HK3: variants seen among roughly 807,000 people sequenced by gnomAD.
HK3 encodes hexokinase 3.
A neutral mutation model predicts 91.0 loss-of-function variants in HK3; 93 were observed. The ratio of observed to expected loss-of-function variants is 1.02; its 90% CI spans 0.86 to 1.21. HK3 has a LOEUF of 1.21. Among genes scored for constraint, HK3 ranks in the 50% most tolerant of loss-of-function variants. HK3 has a pLI of 0.00. For synonymous variants in HK3, 519 were observed against 516.9 expected (o/e 1.00, Z -0.06); for missense variants, 1,235 against 1,247.4 (o/e 0.99, Z 0.15).
At chr5:176,899,004 G>A (rs139529077) in intron 1 of HK3, among the ~76,000 whole-genome samples, 316 of 152,282 alleles carry the variant, frequency 2.1e-3, no homozygotes, top group African/African-American at 6.9e-3. Flanking sequence ...GTGTGGTGGT[G>A]TGCGCCTGTA....
At chr5:176,898,688 CAT>C (rs1758966101) in intron 1 of HK3, among the ~76,000 whole-genome samples, 1 of 152,206 alleles carries the variant, frequency 6.6e-6, no homozygotes, top group Non-Finnish European at 1.5e-5. Context: ...TGGGGAGGGA[CAT>C]GTCTCCTTCA....
chr5:176,883,597 A>T (rs920918489), intron 15 of HK3, among the ~76,000 whole-genome samples, 173 bp downstream of exon 15: 5 of 152,142 alleles, frequency 3.3e-5, no homozygotes, highest in African/African-American at 1.2e-4. Flanking sequence ...ACTGAGCTGG[A>T]CTATACACCC....
Position 176,889,656 on chromosome 5 carries a change from C to T in HK3, c.719G>A (p.Gly240Glu). ...GGTCCATGGCTCACCTACAACTAGC[C>T]CAACCTCACACGGCCTGACCCCCGG... is the stretch of plus-strand genomic sequence containing the variant. Reference protein sequence around the residue: ...CEPGVRPCEVGLVVDTGTNAC... With the variant: ...CEPGVRPCEVELVVDTGTNAC... Residue 240 changes from glycine (G) to glutamate (E), a missense_variant, in exon 7 of 19, where the codon GGG (glycine) becomes GAG (glutamate). Gly to Glu is a moderately conservative substitution (Grantham distance 98). Coordinates refer to ENST00000292432, the MANE Select transcript of HK3 (RefSeq NM_002115.3). The T allele has an allele frequency of 1.2e-6, 2 of 1,614,152 alleles. No individual in the cohort carries two copies. Among genetic ancestry groups the T allele is most frequent in the Non-Finnish European group, 1.7e-6 (2 of 1,180,020 alleles).
Position 176,889,364 on chromosome 5 carries a change from G to A in HK3, c.914+17C>T. On this transcript the variant is annotated intron_variant, in intron 8 of 18. Coordinates refer to ENST00000292432, the MANE Select transcript of HK3 (RefSeq NM_002115.3). ...ACAGGGCCTGGAACCAAAGGTCAGG[G>A]CCCCCTGCCAGGTCACCTCTGAGCA... 5.0e-6 allele frequency: 8 copies of A among 1,610,292 alleles called. No individual in the cohort carries two copies. The highest frequency in any genetic ancestry group is 5.9e-6 in the Non-Finnish European group (7 of 1,177,538).
chr5:176,899,242 G>A (rs1279012112), intron 1 of HK3, 25 bp downstream of exon 1: 1 of 152,258 alleles, frequency 6.6e-6, no homozygotes, highest in Non-Finnish European at 1.5e-5. Context: ...GAAGGAGCAG[G>A]CAGTAATTAG....
At position 176,887,195 on chromosome 5, in the gene HK3, G is replaced by A; in HGVS notation, c.1737+6C>T. ...CCTCTGACATCAAGGTTCAGGCTGT[G>A]GGTACCTGCTGCCCAGAACCCTGGG... On this transcript the variant is annotated splice_donor_region_variant and intron_variant, in intron 12 of 18. Transcript: ENST00000292432. This position sits in a 1 kb window ranked among gnomAD's most constrained non-coding sequence, Gnocchi z 4.9. 6.2e-7 allele frequency: 1 copy of A among 1,614,146 alleles called. No individual in the cohort carries two copies. Among genetic ancestry groups the A allele is most frequent in the Non-Finnish European group, 8.5e-7 (1 of 1,180,026 alleles).
intron 13 of HK3, among the ~76,000 whole-genome samples, chr5:176,885,424 CCAA>C (rs1758557770): frequency 6.6e-6 from 1 of 152,062 alleles, no homozygotes; most frequent in Non-Finnish European, 1.5e-5. Context: ...TAATGTGGGC[CCAA>C]CATTTTTTTT....
chr5:176,899,316 G>A lies in HK3; in HGVS notation c.-76C>T, dbSNP rs1408776312. ...TCTCCTCAGGTCTGAGCTCTTGTCT[G>A]GCAATATGAGGCACCCCAATGACCA... On this transcript the variant is annotated 5_prime_UTR_variant, in exon 1 of 19. Transcript: ENST00000292432. 6.6e-6 allele frequency: 1 copy of A among 152,216 alleles called. No homozygotes were observed. Among genetic ancestry groups the A allele is most frequent in the African/African-American group, 2.4e-5 (1 of 41,428 alleles). 9.4% of individuals were successfully genotyped at this position (152,216 alleles called of 1,614,324 possible).
Position 176,889,669 on chromosome 5 carries a change from G to T in HK3, c.706C>A (p.Pro236Thr), listed in dbSNP as rs768817407. 5.6e-6 allele frequency: 9 copies of T among 1,614,058 alleles called. No individual in the cohort carries two copies. In the South Asian group the frequency reaches 9.9e-5, roughly 18 times the overall value. Residue 236 changes from proline (P) to threonine (T), a missense_variant, in exon 7 of 19, where the codon CCG (proline) becomes ACG (threonine). Pro to Thr is a conservative substitution (Grantham distance 38). Around this residue, in one of 3 missense-constraint regions of HK3, gnomAD observed 717 missense variants for 751.6 expected, o/e 0.95. Coordinates refer to ENST00000292432, the MANE Select transcript of HK3 (RefSeq NM_002115.3). ...CCTACAACTAGCCCAACCTCACACG[G>T]CCTGACCCCCGGCTCACAGCCCATC... ...TMMGCEPGVR[P>T]CEVGLVVDTG...
chr5:176,882,060 G>T lies in HK3; in HGVS notation c.2121C>A (p.Gly707=), dbSNP rs1029171095. The T allele has an allele frequency of 1.2e-6, 2 of 1,612,896 alleles. No individual in the cohort carries two copies. Among genetic ancestry groups the T allele is most frequent in the African/African-American group, 2.7e-5 (2 of 74,922 alleles). The change falls in exon 16 of 19, where the codon GGC becomes GGA. Residue 707 remains glycine, a synonymous_variant. Transcript: ENST00000292432. ...RNVAGVPGDS[G]RMCINMEWGA... is the part of the protein sequence containing the mutation. ...CCCACTCCATGTTGATGCACATGCG[G>T]CCTGAGTCCCCAGGCACGCCCGCCA...
At position 176,882,091 on chromosome 5, in the gene HK3, C is replaced by T. The variant is rs145014783; in HGVS notation, c.2090G>A (p.Arg697Gln). 1.9e-4 allele frequency: 301 copies of T among 1,613,020 alleles called. No individual in the cohort carries two copies. The highest frequency in any genetic ancestry group is 3.3e-4 in the Middle Eastern group (2 of 6,084). Residue 697 changes from arginine (R) to glutamine (Q), a missense_variant, in exon 16 of 19, where the codon CGG (arginine) becomes CAG (glutamine). By Grantham distance (43) the Arg-to-Gln change is conservative. Coordinates refer to ENST00000292432, the MANE Select transcript of HK3 (RefSeq NM_002115.3). Reference sequence around the variant, plus strand: ...GTCCCCAGGCACGCCCGCCACATTCCGGAGCTCCTCCATGTAGCAGGCATT... The same window carrying T: ...GTCCCCAGGCACGCCCGCCACATTCTGGAGCTCCTCCATGTAGCAGGCATT... Reference protein sequence around the residue: ...GTNACYMEELRNVAGVPGDSG... With the variant: ...GTNACYMEELQNVAGVPGDSG...
At chr5:176,895,462 G>A (rs1758887707) in intron 2 of HK3, among the ~76,000 whole-genome samples, 1 of 152,260 alleles carries the variant, frequency 6.6e-6, no homozygotes, top group Non-Finnish European at 1.5e-5. Flanking sequence ...TGAGGAAACA[G>A]AGACTAAGAG....
chr5:176,888,784 A>AGT lies in HK3; in HGVS notation c.994_995insAC (p.Leu332HisfsTer12). The stretch of plus-strand genomic sequence containing the variant: ...GGCAGGGGAGGTGCAGCCACCAAAG[A>AGT]GGACCCCACACCGGGCCAAGTGAGC... On this transcript the variant is annotated frameshift_variant, in exon 9 of 19. Transcript: ENST00000292432. LOFTEE classifies it high-confidence loss of function. 6.2e-7 allele frequency: 1 copy of AGT among 1,614,164 alleles called. No individual in the cohort carries two copies. The highest frequency in any genetic ancestry group is 8.5e-7 in the Non-Finnish European group (1 of 1,180,018).
Position 176,884,021 on chromosome 5 carries a change from C to T in HK3, c.1953+18G>A, listed in dbSNP as rs199836597. 4.3e-4 allele frequency: 686 copies of T among 1,612,372 alleles called. No individual in the cohort carries two copies. Among genetic ancestry groups the T allele is most frequent in the Non-Finnish European group, 5.5e-4 (647 of 1,178,424 alleles). On this transcript the variant is annotated intron_variant, in intron 14 of 18. Transcript: ENST00000292432. This position sits in a 1 kb window ranked among gnomAD's most constrained non-coding sequence, Gnocchi z 4.1. The stretch of plus-strand genomic sequence containing the variant: ...AGGCCTGCCACAGCCCCAAAGCACC[C>T]CTAGAACAGGCTCCTACCTGTCTGC...
Position 176,888,552 on chromosome 5 carries a change from C to T in HK3, c.1084G>A (p.Ala362Thr). The change falls in exon 10 of 19, where the codon GCA (alanine) becomes ACA (threonine). Residue 362 changes from alanine (A) to threonine (T), a missense_variant. This residue lies in a region of HK3 where 717 missense variants were observed against 751.6 expected (regional missense o/e 0.95). Transcript: ENST00000292432. The part of the protein sequence containing the change: ...VAEMEDPSTG[A>T]ARVHAILQDL... ...TGCAGGATAGCATGGACACGGGCTG[C>T]CCCAGTAGAGGGGCTGGAGGGGAAA... 1.3e-6 allele frequency: 2 copies of T among 1,563,274 alleles called. No individual in the cohort carries two copies. Among genetic ancestry groups the T allele is most frequent in the South Asian group, 1.2e-5 (1 of 86,014 alleles).
rs770813680 is a variant in HK3 at position 176,882,075 on chromosome 5, C to T, written c.2106G>A (p.Val702=). ...TGCACATGCGGCCTGAGTCCCCAGG[C>T]ACGCCCGCCACATTCCGGAGCTCCT... ...YMEELRNVAG[V]PGDSGRMCIN... is the part of the protein sequence containing the mutation. Residue 702 remains valine, a synonymous_variant, in exon 16 of 19, where the codon GTG becomes GTA. Transcript: ENST00000292432. The T allele has an allele frequency of 1.9e-6, 3 of 1,612,844 alleles. No individual in the cohort carries two copies. In the Admixed American group the frequency reaches 5.0e-5, roughly 27 times the overall value.
chr5:176,887,348 A>G lies in HK3; in HGVS notation c.1601-11T>C, dbSNP rs1758621950. 6.2e-7 allele frequency: 1 copy of G among 1,613,786 alleles called. No individual in the cohort carries two copies. Among genetic ancestry groups the G allele is most frequent in the African/African-American group, 1.3e-5 (1 of 74,952 alleles). On this transcript the variant is annotated splice_polypyrimidine_tract_variant and intron_variant, in intron 11 of 18. Transcript: ENST00000292432. This position sits in a 1 kb window ranked among gnomAD's most constrained non-coding sequence, Gnocchi z 4.9. ...GGAAATCCCCTCGCTCTGTGGGGGC[A>G]GAGACCCTCAGTGCCGGGATAGGGC...
Position 176,890,823 on chromosome 5 carries a change from C to G in HK3, c.533G>C (p.Arg178Thr), listed in dbSNP as rs201738990. The part of the protein sequence containing the change: ...SFPCHQTGLD[R>T]STLISWTKGF... The stretch of plus-strand genomic sequence containing the variant: ...CGTCCCATGTCCACTCCACCTCACC[C>G]TGTCCAAGCCCGTCTGGTGACAAGG... The change falls in exon 5 of 19, where the codon AGG becomes ACG. Residue 178 changes from arginine (R) to threonine (T), a missense_variant and splice_region_variant. Coordinates refer to ENST00000292432, the MANE Select transcript of HK3 (RefSeq NM_002115.3). 4.1e-4 allele frequency: 666 copies of G among 1,614,196 alleles called. 5 individuals are homozygous for G. The South Asian group carries it at 5.5e-3, about 13-fold the overall frequency.
At chr5:176,890,092 A>C (rs927154970) in intron 6 of HK3, among the ~76,000 whole-genome samples, 2 of 151,958 alleles carry the variant, frequency 1.3e-5, no homozygotes, top group African/African-American at 4.8e-5. Flanking sequence ...CTGGCTCCCC[A>C]AGCCTGTTCC....
Sources: allele counts gnomAD v4.1 joint callset (sites outside exome capture counted in the v4.1 genomes callset), GRCh38; gene constraint gnomAD v4.1.1; regional missense constraint gnomAD v4.1.1; non-coding constraint Gnocchi (gnomAD v3.1); transcripts MANE v1.5; gene names NCBI Gene and HGNC (gene_info 2026-07-23, HGNC 2026-07-21).